Variants in ZFYVE26 observed in about 807,000 individuals in gnomAD.
ZFYVE26 encodes the protein zinc finger FYVE-type containing 26, also known as zinc finger FYVE domain-containing protein 26.
In ZFYVE26, 181 loss-of-function variants were observed where a neutral mutation model predicts 276.5. The ratio of observed to expected loss-of-function variants is 0.65; its 90% CI spans 0.58 to 0.74. ZFYVE26 has a LOEUF of 0.74. ZFYVE26 is among the 30% of genes least tolerant of loss of function. The pLI is 0.00. For missense variants in ZFYVE26, 2,821 were observed against 3,097.9 expected, an observed-to-expected ratio of 0.91 and a Z score of 2.12; for synonymous variants, 1,129 against 1,203.1, an observed-to-expected ratio of 0.94 and a Z score of 1.27.
intron 35 of ZFYVE26, among the ~76,000 whole-genome samples, chr14:67,757,306 A>G (rs2038803591): frequency 6.6e-6 from 1 of 152,118 alleles, no homozygotes; most frequent in African/African-American, 2.4e-5. Context: ...TTCCCTTCTC[A>G]TCCCTCACAA....
rs747322969 is a variant in ZFYVE26, at chr14:67,797,744, A to C, written c.2260T>G (p.Ser754Ala). ...TSNHRSEEQP[S>A]RRYQPATRHP... is the part of the protein sequence containing the mutation. ...CGTGTGGCAGGCTGGTATCTTCGGG[A>C]AGGTTGCTCCTCTGAAAGAGCAAAC... The change falls in exon 12 of 42, where the codon TCC becomes GCC. Residue 754 changes from serine to alanine, a missense_variant. Ser to Ala is a moderately conservative substitution (Grantham distance 99). Coordinates refer to ENST00000347230, the MANE Select transcript of ZFYVE26 (RefSeq NM_015346.4). The C allele has an allele frequency of 6.2e-6, 10 of 1,613,964 alleles. No individual in the cohort carries two copies. The African/African-American group carries it at 1.1e-4, about 17-fold the overall frequency.
chr14:67,797,695 C>T lies in ZFYVE26; in HGVS notation c.2309G>A (p.Arg770His), dbSNP rs775959874. Residue 770 changes from arginine (R) to histidine (H), a missense_variant, in exon 12 of 42, where the codon CGT (arginine) becomes CAT (histidine). Transcript: ENST00000347230. ...ACCTGCCTGGCTCCTTCTTGTCCGA[C>T]GACCCCGGCGGAGACTGGGGTGACG... ...ATRHPSLRRG[R>H]RTRRSQADGR... The T allele has an allele frequency of 3.4e-5, 55 of 1,614,006 alleles. No individual in the cohort carries two copies. The East Asian group carries it at 1.0e-3, about 29-fold the overall frequency.
downstream of ZFYVE26, among the ~76,000 whole-genome samples, chr14:67,741,759 C>T (rs532051687): frequency 1.3e-5 from 2 of 152,324 alleles, no homozygotes; most frequent in East Asian, 1.9e-4. Flanking sequence ...TATTTGAAAA[C>T]GTGACACATA....
chr14:67,797,142 G>C (rs1316367046), intron 12 of ZFYVE26: 1 of 158,860 alleles, frequency 6.3e-6, no homozygotes, highest in Non-Finnish European at 1.4e-5. Flanking sequence ...TTATTTTTAA[G>C]GCAACTGGGT....
At chr14:67,745,474 G>GT (rs568955491), downstream of ZFYVE26, among the ~76,000 whole-genome samples, 365 of 140,826 alleles carry the variant, frequency 2.6e-3, 1 homozygote, top group Non-Finnish European at 3.0e-3. Context: ...AGTATAGTTT[G>GT]TTTTTTTTTT....
intron 19 of ZFYVE26, among the ~76,000 whole-genome samples, 175 bp downstream of exon 19, chr14:67,784,884 A>G (rs1041082602): frequency 6.6e-6 from 1 of 152,224 alleles, no homozygotes; most frequent in Non-Finnish European, 1.5e-5. Context: ...ATACAGCTAT[A>G]CTAGCACAAA....
At chr14:67,753,098 C>A (rs2038691721) in intron 39 of ZFYVE26, among the ~76,000 whole-genome samples, 1 of 152,154 alleles carries the variant, frequency 6.6e-6, no homozygotes, top group African/African-American at 2.4e-5. Context: ...CCTGACTAAT[C>A]ATGTATGAAG....
At position 67,777,743 on chromosome 14, in the gene ZFYVE26, CA is replaced by C. The variant is rs2140215092; in HGVS notation, c.4798-9del. 1 of 1,614,138 alleles carries C rather than the reference CA, an allele frequency of 6.2e-7. No individual in the cohort carries two copies. On this transcript the variant is annotated splice_polypyrimidine_tract_variant and intron_variant, in intron 24 of 41. Transcript: ENST00000347230. ...AGGGATTCTTCGCAGGAGCTATTGTCAAAGGGTAGAGGAGGAAGGTGTGGCC... is the reference window on the plus strand; with the variant it reads ...AGGGATTCTTCGCAGGAGCTATTGTCAAGGGTAGAGGAGGAAGGTGTGGCC...
At chr14:67,774,908 T>C in intron 27 of ZFYVE26, 108 bp downstream of exon 27, 1 of 694,826 alleles carries the variant, frequency 1.4e-6, no homozygotes, top group Admixed American at 2.5e-5. Flanking sequence ...AATAATGTTG[T>C]AACTGGCAAT....
intron 35 of ZFYVE26, among the ~76,000 whole-genome samples, chr14:67,756,658 T>G (rs559477727): frequency 2.4e-4 from 36 of 152,288 alleles, no homozygotes; most frequent in Admixed American, 6.5e-4. Flanking sequence ...TTTGGCTGCT[T>G]CTTCTCAATT....
chr14:67,790,790 A>C lies in ZFYVE26; in HGVS notation c.2554-17T>G, dbSNP rs765059320. The C allele has an allele frequency of 2.6e-4, 425 of 1,611,786 alleles. 1 individual carries two copies. Among genetic ancestry groups the C allele is most frequent in the Admixed American group, 9.0e-4 (54 of 60,010 alleles). ...GAACAGCACCTGTCATAGGAGAGGGAGTGTGTGGGCCCTGGTGGTCCCACT... is the reference window on the plus strand; with the variant it reads ...GAACAGCACCTGTCATAGGAGAGGGCGTGTGTGGGCCCTGGTGGTCCCACT... On this transcript the variant is annotated splice_polypyrimidine_tract_variant and intron_variant, in intron 14 of 41. Coordinates refer to ENST00000347230, the MANE Select transcript of ZFYVE26 (RefSeq NM_015346.4).
Position 67,798,577 on chromosome 14 carries a change from T to C in ZFYVE26, c.1685A>G (p.Tyr562Cys), listed in dbSNP as rs755032676. The change falls in exon 11 of 42, where the codon TAT (tyrosine) becomes TGT (cysteine). Residue 562 changes from tyrosine (Y) to cysteine (C), a missense_variant. Physicochemically the swap from Tyr to Cys is radical, Grantham distance 194. Coordinates refer to ENST00000347230, the MANE Select transcript of ZFYVE26 (RefSeq NM_015346.4). ...CAGAGAGTCAGGAATACTGCACAGA[T>C]ACTGTTGACACCTGGCCAGGTAAGT... ...FSTYLARCQQ[Y>C]LCSIPDSLCL... is the part of the protein sequence containing the mutation. 2 of 1,614,086 alleles carry C rather than the reference T, an allele frequency of 1.2e-6. No individual in the cohort carries two copies. Among genetic ancestry groups the C allele is most frequent in the Admixed American group, 1.7e-5 (1 of 60,024 alleles).
intron 3 of ZFYVE26, among the ~76,000 whole-genome samples, chr14:67,810,337 T>C (rs1298858000): frequency 6.6e-6 from 1 of 152,178 alleles, no homozygotes. Flanking sequence ...TCATTCACTA[T>C]CCTTTGCATA....
intron 13 of ZFYVE26, among the ~76,000 whole-genome samples, chr14:67,741,103 T>C (rs566120710): frequency 1.3e-5 from 2 of 152,266 alleles, no homozygotes; most frequent in East Asian, 3.9e-4. Flanking sequence ...AATGAATTTG[T>C]CTTTTCTCTT....
At chr14:67,729,264 C>T (rs1255934686) in exon 14 of ZFYVE26, 3 of 1,607,968 alleles carry the variant, frequency 1.9e-6, no homozygotes, top group South Asian at 1.1e-5. Flanking sequence ...CCTCCCTGCT[C>T]TGCCTGCTCT....
exon 14 of ZFYVE26, chr14:67,729,213 A>C (rs1487124240): frequency 6.2e-7 from 1 of 1,612,442 alleles, no homozygotes; most frequent in Non-Finnish European, 8.5e-7. Flanking sequence ...CCACCTACGC[A>C]GTGCACCCAG....
chr14:67,755,321 C>G (rs1294109820), intron 36 of ZFYVE26, 71 bp from the exon 37 acceptor site: 5 of 1,556,904 alleles, frequency 3.2e-6, no homozygotes, highest in Non-Finnish European at 4.4e-6. Flanking sequence ...GATGAGAATT[C>G]TCATCTGATT....
At chr14:67,742,838 C>CTTTTTTTTTTTTTTTT (rs71446342), downstream of ZFYVE26, among the ~76,000 whole-genome samples, 53 of 89,760 alleles carry the variant, frequency 5.9e-4, 1 homozygote, top group African/African-American at 1.8e-3. Context: ...TCTTCTTCTT[C>CTTTTTTTTTTTTTTTT]TTTTTTTTTT....
rs535661795 is a variant in ZFYVE26 at position 67,776,011 on chromosome 14, C to T, written c.5070G>A (p.Lys1690=). Residue 1690 remains lysine (K), a synonymous_variant, in exon 26 of 42, where the codon AAG becomes AAA. Transcript: ENST00000347230. The part of the protein sequence containing the change: ...FMLEQLLMNM[K]VDWATVAVQT... ...GCACAGCCACAGTGGCCCAATCCAC[C>T]TTCATGTTCATAAGCAGCTGCTCCA... 1 of 1,614,214 alleles carries T rather than the reference C, an allele frequency of 6.2e-7. No individual in the cohort carries two copies. Among genetic ancestry groups the T allele is most frequent in the African/African-American group, 1.3e-5 (1 of 75,044 alleles).
Sources: allele counts gnomAD v4.1 joint callset (sites outside exome capture counted in the v4.1 genomes callset), GRCh38; gene constraint gnomAD v4.1.1; transcripts MANE v1.5; gene names NCBI Gene and HGNC (gene_info 2026-07-23, HGNC 2026-07-21).